The following PPARGC1B variants were observed in gnomAD, a reference collection of about 807,000 sequenced individuals.
The protein encoded by PPARGC1B is peroxisome proliferator-activated receptor gamma coactivator 1-beta.
A neutral mutation model predicts 101.6 loss-of-function variants in PPARGC1B; 34 were observed. The observed-to-expected ratio is 0.33, with a 90% CI of 0.25 to 0.45. The LOEUF is 0.45. Among genes scored for constraint, PPARGC1B ranks in the 20% least tolerant of loss-of-function variants. The pLI is 1.00. For missense variants in PPARGC1B, 1,234 were observed against 1,317.6 expected, an observed-to-expected ratio of 0.94 and a Z score of 0.98; for synonymous variants, 548 against 539.3, an observed-to-expected ratio of 1.02 and a Z score of -0.22.
intron 10 of PPARGC1B, among the ~76,000 whole-genome samples, chr5:149,844,500 G>C (rs1266681046): frequency 6.6e-6 from 1 of 152,174 alleles, no homozygotes; most frequent in Non-Finnish European, 1.5e-5. Flanking sequence ...TTACCCGGGC[G>C]TGGTGGCACA....
chr5:149,778,063 TCACACACACACACACA>T (rs1219646323), intron 1 of PPARGC1B, among the ~76,000 whole-genome samples: 2 of 11,900 alleles, frequency 1.7e-4, no homozygotes, highest in Admixed American at 1.5e-3. Context: ...TAGCAGCATC[TCACACACACACACACA>T]CACACACACA....
intron 1 of PPARGC1B, among the ~76,000 whole-genome samples, chr5:149,768,826 A>AT (rs904869842): frequency 1.6e-4 from 24 of 150,308 alleles, no homozygotes; most frequent in East Asian, 3.9e-4. Flanking sequence ...TAATTTTTGT[A>AT]TTTTTTTTTG....
intron 1 of PPARGC1B, among the ~76,000 whole-genome samples, chr5:149,803,614 A>G (rs1326216639): frequency 3.3e-5 from 5 of 152,056 alleles, no homozygotes; most frequent in Admixed American, 6.5e-5. Flanking sequence ...CTGGGTGGCA[A>G]TCAAGCATCT....
chr5:149,743,784 A>T (rs865996222), intron 1 of PPARGC1B, among the ~76,000 whole-genome samples: 2 of 152,144 alleles, frequency 1.3e-5, no homozygotes, highest in Non-Finnish European at 2.9e-5. Flanking sequence ...ATCAAAGGCA[A>T]ACACTTTGTG....
intron 1 of PPARGC1B, among the ~76,000 whole-genome samples, chr5:149,748,333 A>T (rs1240129661): frequency 6.6e-6 from 1 of 151,768 alleles, no homozygotes; most frequent in Non-Finnish European, 1.5e-5. Flanking sequence ...ATCTATATAT[A>T]TATATCTCAG....
chr5:149,796,494 A>T (rs1757220800), intron 1 of PPARGC1B, among the ~76,000 whole-genome samples: 3 of 152,284 alleles, frequency 2.0e-5, no homozygotes, highest in Admixed American at 6.5e-5. Flanking sequence ...GTGGGTGGGT[A>T]ACATAGTCCT....
intron 2 of PPARGC1B, among the ~76,000 whole-genome samples, chr5:149,824,481 C>T (rs1289669112): frequency 6.6e-6 from 1 of 152,194 alleles, no homozygotes; most frequent in Non-Finnish European, 1.5e-5. Flanking sequence ...CAGACTTGGC[C>T]TTCTGGGAGC....
At chr5:149,796,941 G>A (rs1003060092) in intron 1 of PPARGC1B, among the ~76,000 whole-genome samples, 3 of 152,190 alleles carry the variant, frequency 2.0e-5, no homozygotes, top group African/African-American at 7.2e-5. Context: ...CAGAGTTAAT[G>A]CATGGAAGGA....
At chr5:149,822,341 C>A in intron 2 of PPARGC1B, among the ~76,000 whole-genome samples, 1 of 152,184 alleles carries the variant, frequency 6.6e-6, no homozygotes, top group South Asian at 2.1e-4. Flanking sequence ...CCCAGTCCTG[C>A]AAGGAAGACA....
chr5:149,739,602 TC>T (rs2113081262), intron 1 of PPARGC1B, among the ~76,000 whole-genome samples: 1 of 152,202 alleles, frequency 6.6e-6, no homozygotes, highest in African/African-American at 2.4e-5. Flanking sequence ...ATTTCCAGTG[TC>T]AGGTCTTGCG....
At chr5:149,809,115 T>TAGA (rs1554078892) in intron 1 of PPARGC1B, among the ~76,000 whole-genome samples, 92 of 84,154 alleles carry the variant, frequency 1.1e-3, no homozygotes, top group African/African-American at 2.9e-3. Context: ...TATCTCCACC[T>TAGA]TAGATAGATA....
At chr5:149,811,835 T>C (rs536519648) in intron 1 of PPARGC1B, among the ~76,000 whole-genome samples, 1 of 152,338 alleles carries the variant, frequency 6.6e-6, no homozygotes, top group African/African-American at 2.4e-5. Context: ...GATCCTGGCT[T>C]TCTCCATCCT....
intron 1 of PPARGC1B, among the ~76,000 whole-genome samples, chr5:149,765,785 C>T (rs1274645906): frequency 1.3e-5 from 2 of 149,174 alleles, no homozygotes; most frequent in East Asian, 2.0e-4. Context: ...GGCGTGAACC[C>T]GGGAGGTGGA....
rs765822407 is a variant in PPARGC1B, at chr5:149,842,219, A to C, written c.2695-37A>C. ...CCAGAGGGGCCCCAGGAAGCCAGGC[A>C]ATGACGGAGTCTCTCTCTGTCCTCC... On this transcript the variant is annotated intron_variant, in intron 9 of 11. Coordinates refer to ENST00000309241, the MANE Select transcript of PPARGC1B (RefSeq NM_133263.4). The C allele has an allele frequency of 8.1e-6, 13 of 1,603,188 alleles. No homozygotes were observed. The Admixed American group carries it at 2.2e-4, about 27-fold the overall frequency.
chr5:149,840,660 C>T (rs971386874), intron 9 of PPARGC1B, among the ~76,000 whole-genome samples: 1 of 152,238 alleles, frequency 6.6e-6, no homozygotes, highest in Non-Finnish European at 1.5e-5. Context: ...CAGAGTTAGT[C>T]CACAGGCCCT....
intron 1 of PPARGC1B, among the ~76,000 whole-genome samples, chr5:149,751,477 G>A (rs551824292): frequency 7.4e-4 from 113 of 152,112 alleles, no homozygotes; most frequent in African/African-American, 2.5e-3. Context: ...AGGCCAAGGC[G>A]GGCGGATCAC....
intron 1 of PPARGC1B, among the ~76,000 whole-genome samples, chr5:149,770,670 C>CAA (rs112574216): frequency 7.1e-6 from 1 of 141,450 alleles, no homozygotes. Flanking sequence ...CTGTCTCTAC[C>CAA]AAAAAAAAAA....
At chr5:149,829,964 G>C (rs910364839) in intron 3 of PPARGC1B, among the ~76,000 whole-genome samples, 1 of 148,986 alleles carries the variant, frequency 6.7e-6, no homozygotes, top group African/African-American at 2.5e-5. Flanking sequence ...GAACCCGTGA[G>C]GTGGAGGTTG....
chr5:149,839,893 A>G, intron 8 of PPARGC1B, 148 bp from the exon 9 acceptor site: 1 of 751,788 alleles, frequency 1.3e-6, no homozygotes. Context: ...CAGAAGGGGA[A>G]GCTAGGTTTC....
Sources: gnomAD v4.1 joint callset for allele counts (sites outside exome capture counted in the v4.1 genomes callset) on GRCh38, gnomAD v4.1.1 for gene constraint, MANE v1.5 for transcripts, NCBI Gene and HGNC (gene_info 2026-07-23, HGNC 2026-07-21) for gene names.